The following DISP1 variants were observed in gnomAD, a reference collection of about 807,000 sequenced individuals.
The protein encoded by DISP1 is protein dispatched homolog 1.
Under a neutral mutation model 37.3 loss-of-function variants are expected in DISP1, and 30 were observed. That is an observed-to-expected ratio of 0.80 (90% CI 0.60 to 1.09). The LOEUF is 1.09. DISP1 is among the 50% of genes least tolerant of loss of function. The probability of loss-of-function intolerance (pLI) is 0.00; values close to 1 mark genes in which losing one functional copy is unlikely to be tolerated. For synonymous variants in DISP1, 634 were observed against 690.2 expected (o/e 0.92, Z 1.28); for missense variants, 1,598 against 1,879.5 (o/e 0.85, Z 2.77).
intron 1 of DISP1, among the ~76,000 whole-genome samples, chr1:222,856,546 G>A (rs1176533628): frequency 1.3e-5 from 2 of 152,064 alleles, no homozygotes; most frequent in Non-Finnish European, 2.9e-5. Flanking sequence ...AGGGTATTAA[G>A]GAAAAACAAG....
At chr1:222,867,522 T>C (rs1295997974) in intron 1 of DISP1, among the ~76,000 whole-genome samples, 1 of 152,210 alleles carries the variant, frequency 6.6e-6, no homozygotes, top group East Asian at 1.9e-4. Flanking sequence ...AAGGTTCTTT[T>C]AGTAAACTCC....
chr1:222,965,250 G>T (rs1300397231), intron 3 of DISP1, among the ~76,000 whole-genome samples: 1 of 151,972 alleles, frequency 6.6e-6, no homozygotes, highest in East Asian at 1.9e-4. Flanking sequence ...TTCTCCATCG[G>T]TAAAATCTAT....
At chr1:222,840,649 G>A (rs1454148688) in intron 1 of DISP1, among the ~76,000 whole-genome samples, 1 of 142,588 alleles carries the variant, frequency 7.0e-6, no homozygotes, top group Non-Finnish European at 1.5e-5. Flanking sequence ...CACAACCTCT[G>A]CCTCCTGGGT....
intron 8 of DISP1, among the ~76,000 whole-genome samples, chr1:223,000,358 T>A (rs529947944): frequency 6.6e-6 from 1 of 152,278 alleles, no homozygotes; most frequent in South Asian, 2.1e-4. Flanking sequence ...TGTTGTTGGG[T>A]GGTTCAGTTT....
intron 1 of DISP1, among the ~76,000 whole-genome samples, chr1:222,915,065 G>A (rs747787923): frequency 1.1e-4 from 16 of 152,164 alleles, no homozygotes; most frequent in Non-Finnish European, 1.9e-4. Flanking sequence ...TAAAATCTGA[G>A]TTCAGCTGTG....
At chr1:222,932,181 A>G (rs909007451) in intron 2 of DISP1, among the ~76,000 whole-genome samples, 1 of 151,986 alleles carries the variant, frequency 6.6e-6, no homozygotes, top group Non-Finnish European at 1.5e-5. Context: ...CATTAATTAT[A>G]TAAAGTATAA....
In DISP1 at chr1:222,893,790, C is replaced by T. The variant is rs981013512; in HGVS notation, c.-158-34640C>T. Reference sequence around the variant, plus strand: ...CTTCTCTCCTTCTTGTTGCCCACAACGTGGCTAATGGAGTGGGGGCGTGTT... The same window carrying T: ...CTTCTCTCCTTCTTGTTGCCCACAATGTGGCTAATGGAGTGGGGGCGTGTT... On this transcript the variant is annotated intron_variant, in intron 1 of 8. Transcript: ENST00000675850. The surrounding 1 kb of genome is among the most constrained non-coding windows in gnomAD (Gnocchi z 4.3). Among the ~76,000 whole-genome samples, 5 of 152,146 alleles carry T rather than the reference C, an allele frequency of 3.3e-5. No homozygotes were observed. Among genetic ancestry groups the T allele is most frequent in the Non-Finnish European group, 2.9e-5 (2 of 68,028 alleles).
At chr1:223,001,602 A>G (rs920314286) in intron 8 of DISP1, among the ~76,000 whole-genome samples, 5 of 152,194 alleles carry the variant, frequency 3.3e-5, no homozygotes, top group African/African-American at 1.2e-4. Flanking sequence ...TTTAATTCTT[A>G]TAGTTCCAGA....
At chr1:222,877,579 G>T (rs1373356839) in intron 1 of DISP1, among the ~76,000 whole-genome samples, 1 of 152,204 alleles carries the variant, frequency 6.6e-6, no homozygotes, top group African/African-American at 2.4e-5. Flanking sequence ...CTTTTCTAGT[G>T]TTTAGGATCC....
intron 1 of DISP1, among the ~76,000 whole-genome samples, chr1:222,832,909 A>G (rs935254954): frequency 1.3e-5 from 2 of 152,246 alleles, no homozygotes; most frequent in Non-Finnish European, 1.5e-5. Flanking sequence ...GAAATAAAAA[A>G]TGAAAATAAA....
At chr1:222,846,899 T>C (rs770517889) in intron 1 of DISP1, among the ~76,000 whole-genome samples, 1 of 152,264 alleles carries the variant, frequency 6.6e-6, no homozygotes, top group Non-Finnish European at 1.5e-5. Context: ...TGTTATTGCA[T>C]AGTTTCCGTT....
intron 4 of DISP1, among the ~76,000 whole-genome samples, chr1:222,990,235 G>A (rs2102738796): frequency 6.6e-6 from 1 of 152,306 alleles, no homozygotes; most frequent in African/African-American, 2.4e-5. Flanking sequence ...ACACTGATTG[G>A]AGTATGGATC....
chr1:222,907,646 T>C (rs1671972521), intron 1 of DISP1, among the ~76,000 whole-genome samples: 1 of 152,204 alleles, frequency 6.6e-6, no homozygotes, highest in South Asian at 2.1e-4. Flanking sequence ...AACTGTAAAT[T>C]GAATGATTTA....
At chr1:222,884,925 C>T (rs976021049) in intron 1 of DISP1, among the ~76,000 whole-genome samples, 5 of 152,170 alleles carry the variant, frequency 3.3e-5, no homozygotes, top group African/African-American at 9.7e-5. Context: ...CAACCTCCGC[C>T]TCCTGGGTTC....
At position 223,005,634 on chromosome 1, in the gene DISP1, C is replaced by A. The variant is rs1239345647; in HGVS notation, c.4237C>A (p.Gln1413Lys). 3 of 1,613,774 alleles carry A rather than the reference C, an allele frequency of 1.9e-6. No homozygotes were observed. The highest frequency in any genetic ancestry group is 1.3e-5 in the African/African-American group (1 of 74,786). ...AACGTGTTGCGACCCCGAGAATAAACAAAGGGAACTCTGTAAAAATAGAGA... is the reference window on the plus strand; with the variant it reads ...AACGTGTTGCGACCCCGAGAATAAAAAAAGGGAACTCTGTAAAAATAGAGA... Reference protein sequence around the residue: ...LKTCCDPENKQRELCKNRDVS... With the variant: ...LKTCCDPENKKRELCKNRDVS... Residue 1413 changes from glutamine (Q) to lysine (K), a missense_variant, in exon 9 of 9, where the codon CAA (glutamine) becomes AAA (lysine). By Grantham distance (53) the Gln-to-Lys change is moderately conservative (BLOSUM62 1). Coordinates refer to ENST00000675850, the MANE Select transcript of DISP1 (RefSeq NM_001377229.1).
Position 223,004,078 on chromosome 1 carries a change from T to C in DISP1, c.2681T>C (p.Ile894Thr), listed in dbSNP as rs1218740081. ...EIFELCIKRAIMELERSTGYH... is the reference protein window; with the variant it reads ...EIFELCIKRATMELERSTGYH... ...TTTGAACTGTGCATCAAGAGAGCTA[T>C]CATGGAGCTGGAAAGGAGTACAGGG... Residue 894 changes from isoleucine (I) to threonine (T), a missense_variant, in exon 9 of 9, where the codon ATC (isoleucine) becomes ACC (threonine). By Grantham distance (89) the Ile-to-Thr change is moderately conservative. Coordinates refer to ENST00000675850, the MANE Select transcript of DISP1 (RefSeq NM_001377229.1). The surrounding 1 kb of genome is among the most constrained non-coding windows in gnomAD (Gnocchi z 4.9). 5 of 1,614,128 alleles carry C rather than the reference T, an allele frequency of 3.1e-6. No individual in the cohort carries two copies. Among genetic ancestry groups the C allele is most frequent in the Non-Finnish European group, 3.4e-6 (4 of 1,180,020 alleles).
chr1:222,821,986 A>G (rs567100127), intron 1 of DISP1, among the ~76,000 whole-genome samples: 1 of 151,606 alleles, frequency 6.6e-6, no homozygotes, highest in South Asian at 2.1e-4. Context: ...ACCTTCCACC[A>G]TGATTGTAAG....
At chr1:222,936,305 C>T (rs1312323733) in intron 2 of DISP1, among the ~76,000 whole-genome samples, 2 of 152,006 alleles carry the variant, frequency 1.3e-5, no homozygotes, top group African/African-American at 4.8e-5. Flanking sequence ...ATATCCCCGT[C>T]CTTAGGTGAT....
At chr1:222,991,834 CT>C (rs375839594) in intron 6 of DISP1, among the ~76,000 whole-genome samples, 178 bp from the exon 7 acceptor site, 45 of 144,992 alleles carry the variant, frequency 3.1e-4, no homozygotes, top group East Asian at 4.0e-4. Flanking sequence ...GTGAGATTTT[CT>C]TTTTTTTTTT....
Sources: gnomAD v4.1 joint callset for allele counts (sites outside exome capture counted in the v4.1 genomes callset) on GRCh38, gnomAD v4.1.1 for gene constraint, Gnocchi (gnomAD v3.1) non-coding constraint, MANE v1.5 for transcripts, NCBI Gene and HGNC (gene_info 2026-07-23, HGNC 2026-07-21) for gene names.